Variants in FAM184A observed in about 807,000 individuals in gnomAD.
FAM184A encodes the protein protein FAM184A.
A neutral mutation model predicts 143.8 loss-of-function variants in FAM184A; 99 were observed. The ratio of observed to expected loss-of-function variants is 0.69; its 90% confidence interval spans 0.58 to 0.81. FAM184A has a LOEUF of 0.81. FAM184A is among the 40% of genes least tolerant of loss of function. The pLI is 0.00. For synonymous variants in FAM184A, 427 were observed against 446.4 expected, an observed-to-expected ratio of 0.96 and a Z score of 0.55; for missense variants, 1,217 against 1,310.5, an observed-to-expected ratio of 0.93 and a Z score of 1.10.
At chr6:119,002,314 G>A (rs1490342701) in intron 9 of FAM184A, among the ~76,000 whole-genome samples, 1 of 152,106 alleles carries the variant, frequency 6.6e-6, no homozygotes, top group Non-Finnish European at 1.5e-5. Flanking sequence ...AAATTTAAAA[G>A]TTGTGTAAAT....
chr6:119,105,671 A>C (rs1312621089), intron 1 of FAM184A, among the ~76,000 whole-genome samples: 4 of 152,196 alleles, frequency 2.6e-5, no homozygotes, highest in Admixed American at 6.5e-5. Flanking sequence ...TTGTTCTAAA[A>C]AAAGTTTATT....
chr6:119,048,875 G>C (rs1786636337), intron 1 of FAM184A, among the ~76,000 whole-genome samples: 1 of 151,924 alleles, frequency 6.6e-6, no homozygotes, highest in Non-Finnish European at 1.5e-5. Flanking sequence ...AAACAAATGA[G>C]AACACATCCC....
chr6:119,015,058 T>C (rs1486285691), intron 5 of FAM184A, among the ~76,000 whole-genome samples: 2 of 147,722 alleles, frequency 1.4e-5, no homozygotes, highest in Non-Finnish European at 3.0e-5. Context: ...AGCGAGACTC[T>C]GTCTCAAAAA....
intron 7 of FAM184A, chr6:119,005,598 C>T (rs1251909916): frequency 6.5e-6 from 1 of 153,146 alleles, no homozygotes; most frequent in African/African-American, 2.4e-5. Flanking sequence ...GTGTTATTAC[C>T]CCCCACCTCT....
chr6:119,144,333 C>CA lies in FAM184A; in HGVS notation c.-202+4744dup, dbSNP rs555955754. ...TGGGCCACAGAACGAGACTCTGACT[C>CA]AAAAAAAAAAAAAAAAAAAGAAAAT... On this transcript the variant is annotated intron_variant, in intron 1 of 16. Transcript: ENST00000352896. Among the ~76,000 whole-genome samples, 259 of 77,400 alleles carry CA rather than the reference C, an allele frequency of 3.3e-3. 2 individuals carry two copies. The highest frequency in any genetic ancestry group is 0.011 in the East Asian group (24 of 2,280). The allele number at this position is 77,400 out of a possible 152,430, so 50.8% of individuals were successfully genotyped here.
chr6:118,984,022 C>T (rs186560717), intron 9 of FAM184A, among the ~76,000 whole-genome samples: 67 of 149,920 alleles, frequency 4.5e-4, no homozygotes, highest in African/African-American at 1.6e-3. Flanking sequence ...TGGTGGCGGG[C>T]GCCTGTAATC....
At chr6:118,994,193 G>T (rs1357428335) in intron 9 of FAM184A, among the ~76,000 whole-genome samples, 2 of 152,186 alleles carry the variant, frequency 1.3e-5, no homozygotes, top group Non-Finnish European at 2.9e-5. Context: ...GGAAGGCAAA[G>T]ATCACTCTGA....
chr6:119,122,785 G>A (rs1789254719), intron 1 of FAM184A, among the ~76,000 whole-genome samples: 1 of 151,720 alleles, frequency 6.6e-6, no homozygotes, highest in Non-Finnish European at 1.5e-5. Flanking sequence ...AGCTGGGCAT[G>A]GTAGCATGCA....
intron 1 of FAM184A, chr6:119,025,637 T>C: frequency 1.9e-6 from 1 of 518,436 alleles, no homozygotes; most frequent in South Asian, 1.4e-5. Flanking sequence ...CTCTCCTTCC[T>C]TCCCTCTGTT....
At chr6:119,147,831 C>T (rs1772503256) in intron 1 of FAM184A, among the ~76,000 whole-genome samples, 1 of 152,174 alleles carries the variant, frequency 6.6e-6, no homozygotes, top group African/African-American at 2.4e-5. Flanking sequence ...CACAGTGTGC[C>T]CTGCTTCCAG....
intron 9 of FAM184A, among the ~76,000 whole-genome samples, chr6:118,987,008 G>T (rs2051055): frequency 0.029 from 4,382 of 152,046 alleles, 216 homozygotes; most frequent in African/African-American, 0.1. Context: ...ATAGAAAAAA[G>T]ACTGAATATG....
intron 1 of FAM184A, among the ~76,000 whole-genome samples, chr6:119,070,695 G>A (rs753241388): frequency 1.3e-5 from 2 of 151,958 alleles, no homozygotes; most frequent in East Asian, 3.9e-4. Context: ...AAATCAGTTA[G>A]TGATTGTCTC....
chr6:119,022,781 G>A (rs1163278822), intron 3 of FAM184A, among the ~76,000 whole-genome samples, 164 bp downstream of exon 3: 2 of 152,162 alleles, frequency 1.3e-5, no homozygotes, highest in African/African-American at 4.8e-5. Flanking sequence ...GGAAGCTGAG[G>A]CAGGAGAATT....
intron 1 of FAM184A, among the ~76,000 whole-genome samples, chr6:119,038,198 T>TA (rs909683733): frequency 1.3e-5 from 2 of 151,732 alleles, no homozygotes; most frequent in Admixed American, 6.6e-5. Context: ...CCTACACTAG[T>TA]AAAAAAAATA....
At chr6:119,090,250 A>T (rs902536602) in intron 1 of FAM184A, among the ~76,000 whole-genome samples, 1 of 152,372 alleles carries the variant, frequency 6.6e-6, no homozygotes, top group Non-Finnish European at 1.5e-5. Context: ...AGAATCTTGT[A>T]AAATGAATCT....
chr6:119,117,516 C>A (rs897518708), intron 1 of FAM184A, among the ~76,000 whole-genome samples: 8 of 152,200 alleles, frequency 5.3e-5, no homozygotes, highest in Admixed American at 5.2e-4. Context: ...CCACTGTGGT[C>A]ACCTTGAGAG....
intron 7 of FAM184A, among the ~76,000 whole-genome samples, chr6:119,004,129 G>A (rs2114642672): frequency 6.6e-6 from 1 of 152,326 alleles, no homozygotes; most frequent in East Asian, 1.9e-4. Flanking sequence ...TGTGTTCATT[G>A]TTATGGCAAT....
At chr6:119,095,505 T>A (rs1034645541) in intron 1 of FAM184A, among the ~76,000 whole-genome samples, 1 of 152,208 alleles carries the variant, frequency 6.6e-6, no homozygotes, top group Non-Finnish European at 1.5e-5. Context: ...TTGGGTGGTC[T>A]CTCAGAGAGG....
chr6:119,011,871 A>C (rs1158477541), intron 5 of FAM184A, among the ~76,000 whole-genome samples: 2 of 152,226 alleles, frequency 1.3e-5, no homozygotes, highest in Non-Finnish European at 2.9e-5. Context: ...ATTAAAGAGC[A>C]AAACTGGTAA....
Sources: allele counts gnomAD v4.1 joint callset (sites outside exome capture counted in the v4.1 genomes callset), GRCh38; gene constraint gnomAD v4.1.1; transcripts MANE v1.5; gene names NCBI Gene and HGNC (gene_info 2026-07-23, HGNC 2026-07-21).